Variants in MLXIP observed in about 807,000 individuals in gnomAD.
The protein encoded by MLXIP is MLX-interacting protein.
In MLXIP, 30 loss-of-function variants were observed where a neutral mutation model predicts 87.2. The ratio of observed to expected loss-of-function variants is 0.34; its 90% CI spans 0.26 to 0.47. The LOEUF (loss-of-function observed/expected upper bound fraction) is 0.47, where lower values mean the gene tolerates loss of function less well. Among genes scored for constraint, MLXIP ranks in the 20% least tolerant of loss-of-function variants. MLXIP has a pLI of 1.00. For missense variants in MLXIP, 1,002 were observed against 1,240.1 expected, an observed-to-expected ratio of 0.81 and a Z score of 2.88; for synonymous variants, 530 against 514.0, an observed-to-expected ratio of 1.03 and a Z score of -0.42.
chr12:122,104,287 C>A (rs1231514754), intron 1 of MLXIP, among the ~76,000 whole-genome samples: 1 of 152,150 alleles, frequency 6.6e-6, no homozygotes, highest in Non-Finnish European at 1.5e-5. Flanking sequence ...CAGAAGGTTC[C>A]CTCGCGCCCT....
At chr12:122,092,396 G>T (rs1952259585) in intron 1 of MLXIP, among the ~76,000 whole-genome samples, 1 of 152,170 alleles carries the variant, frequency 6.6e-6, no homozygotes, top group Non-Finnish European at 1.5e-5. Flanking sequence ...ACTGAGCCCA[G>T]TCAAGGTAGT....
chr12:122,079,449 C>T (rs1952060216), intron 1 of MLXIP, among the ~76,000 whole-genome samples, 183 bp downstream of exon 1: 1 of 152,226 alleles, frequency 6.6e-6, no homozygotes, highest in South Asian at 2.1e-4. Context: ...GTCCTGGCCT[C>T]TTCCCCTGCC....
chr12:122,106,509 G>A lies in MLXIP; in HGVS notation c.414-20747G>A, dbSNP rs966054628. ...GGCTTTTGGTAAGTGTTGCTGGGAT[G>A]TTCCACTCCCTGGCCTGCAGAGGGT... On this transcript the variant is annotated intron_variant, in intron 1 of 16. Transcript: ENST00000319080. 6.6e-5 allele frequency among the ~76,000 whole-genome samples: 10 copies of A among 151,122 alleles called. No homozygotes were observed. The South Asian group carries it at 8.3e-4, about 13-fold the overall frequency.
In MLXIP at chr12:122,141,008, A is replaced by G; in HGVS notation, c.2563A>G (p.Ser855Gly). 1 of 1,614,026 alleles carries G rather than the reference A, an allele frequency of 6.2e-7. No homozygotes were observed. Among genetic ancestry groups the G allele is most frequent in the Non-Finnish European group, 8.5e-7 (1 of 1,179,910 alleles). The change falls in exon 16 of 17, where the codon AGC becomes GGC. Residue 855 changes from serine (S) to glycine (G), a missense_variant. Physicochemically the swap from Ser to Gly is moderately conservative, Grantham distance 56. Around this residue, in one of 3 missense-constraint regions of MLXIP, gnomAD observed 746 missense variants for 897.0 expected, o/e 0.83. Transcript: ENST00000319080. The part of the protein sequence containing the change: ...FESFKGMVST[S>G]SLEELHRTAL... ...GTCGTTCAAGGGCATGGTGTCCACC[A>G]GCAGCCTGGAGGAGCTGCACCGGAC...
intron 1 of MLXIP, among the ~76,000 whole-genome samples, chr12:122,083,463 G>A (rs2135890170): frequency 6.6e-6 from 1 of 151,674 alleles, no homozygotes; most frequent in Middle Eastern, 3.4e-3. Context: ...TGCCCAGTCT[G>A]GAGTGCAATG....
chr12:122,127,131 G>A, intron 1 of MLXIP, 125 bp from the exon 2 acceptor site: 2 of 764,686 alleles, frequency 2.6e-6, no homozygotes, highest in Non-Finnish European at 4.6e-6. Flanking sequence ...ATTCCATGAA[G>A]CCGGGTGTAT....
chr12:122,118,836 C>T (rs763605733), intron 1 of MLXIP, among the ~76,000 whole-genome samples: 14 of 131,352 alleles, frequency 1.1e-4, no homozygotes, highest in Admixed American at 3.0e-4. Context: ...CAGAGTGAGA[C>T]TCCCATCTCA....
chr12:122,091,029 T>G (rs1269532029), intron 1 of MLXIP, among the ~76,000 whole-genome samples: 2 of 152,062 alleles, frequency 1.3e-5, no homozygotes, highest in Admixed American at 1.3e-4. Flanking sequence ...GTTCTAAAAT[T>G]AGGGTGGCGA....
intron 1 of MLXIP, among the ~76,000 whole-genome samples, chr12:122,124,905 G>A (rs935323663): frequency 2.0e-5 from 3 of 152,074 alleles, no homozygotes; most frequent in East Asian, 1.9e-4. Flanking sequence ...GGTGGCTCAC[G>A]CCTGTAATCC....
intron 8 of MLXIP, 70 bp downstream of exon 8, chr12:122,132,453 GC>G: frequency 7.9e-7 from 1 of 1,272,782 alleles, no homozygotes; most frequent in Non-Finnish European, 1.1e-6. Context: ...AAGGTTTGCT[GC>G]CAGAGCAAGG....
Position 122,137,324 on chromosome 12 carries a change from G to A in MLXIP, c.2033-145G>A. ...CAGGGAGTGAATAAGAATAATCTAA[G>A]GAAGCATGTGTGTGCAGTTGAAAGA... On this transcript the variant is annotated intron_variant, in intron 11 of 16. Transcript: ENST00000319080. This position sits in a 1 kb window ranked among gnomAD's most constrained non-coding sequence, Gnocchi z 4.1. The A allele has an allele frequency of 1.3e-6, 1 of 758,356 alleles. No individual in the cohort carries two copies. Among genetic ancestry groups the A allele is most frequent in the Admixed American group, 3.4e-5 (1 of 29,088 alleles). 47.0% of individuals were successfully genotyped at this position (758,356 alleles called of 1,614,324 possible).
At chr12:122,093,166 AGT>A (rs1952274965) in intron 1 of MLXIP, among the ~76,000 whole-genome samples, 1 of 116,500 alleles carries the variant, frequency 8.6e-6, no homozygotes, top group African/African-American at 3.5e-5. Flanking sequence ...TAGGGTATGT[AGT>A]GTGTGTAGTG....
rs774213723 is a variant in MLXIP, at chr12:122,135,394, A to T, written c.1854+49A>T. 1.2e-6 allele frequency: 2 copies of T among 1,600,876 alleles called. No homozygotes were observed. Among genetic ancestry groups the T allele is most frequent in the East Asian group, 4.5e-5 (2 of 44,772 alleles). ...TGCAGTGTCCTTCTCACCCCGGAGC[A>T]CTCTGATCTTGGGCGGCCCTCACCT... On this transcript the variant is annotated intron_variant, in intron 10 of 16. Coordinates refer to ENST00000319080, the MANE Select transcript of MLXIP (RefSeq NM_014938.6). This position sits in a 1 kb window ranked among gnomAD's most constrained non-coding sequence, Gnocchi z 5.3.
chr12:122,114,758 T>TGG (rs1555230217), intron 1 of MLXIP, among the ~76,000 whole-genome samples: 3 of 135,262 alleles, frequency 2.2e-5, no homozygotes, highest in African/African-American at 2.7e-5. Flanking sequence ...TTTTTTTTGG[T>TGG]GGGGGGGGAC....
At chr12:122,127,162 A>C in intron 1 of MLXIP, 94 bp from the exon 2 acceptor site, 2 of 977,116 alleles carry the variant, frequency 2.0e-6, no homozygotes, top group Admixed American at 2.0e-5. Flanking sequence ...GGATCAGTCA[A>C]GAGTTTGGTC....
At chr12:122,104,946 G>A (rs1952497450) in intron 1 of MLXIP, among the ~76,000 whole-genome samples, 1 of 152,114 alleles carries the variant, frequency 6.6e-6, no homozygotes, top group Non-Finnish European at 1.5e-5. Flanking sequence ...GAAGGGACTG[G>A]CCCAGTTGTC....
At position 122,145,000 on chromosome 12, in the gene MLXIP, CA is replaced by C. The variant is rs1953275122; in HGVS notation, c.*3189del. On this transcript the variant is annotated 3_prime_UTR_variant, in exon 17 of 17. Transcript: ENST00000319080. Reference sequence around the variant, plus strand: ...AATTGCCCTGTGCTGTCAGCCCCTGCACTGCACTGCTGCCTTCCATGGTGGG... The same window carrying C: ...AATTGCCCTGTGCTGTCAGCCCCTGCCTGCACTGCTGCCTTCCATGGTGGG... 1 of 152,254 alleles carries C rather than the reference CA, an allele frequency of 6.6e-6. No individual in the cohort carries two copies. Among genetic ancestry groups the C allele is most frequent in the African/African-American group, 2.4e-5 (1 of 41,454 alleles). 9.4% of individuals were successfully genotyped at this position (152,254 alleles called of 1,614,324 possible).
intron 1 of MLXIP, among the ~76,000 whole-genome samples, chr12:122,096,943 G>C (rs527714166): frequency 1.3e-5 from 2 of 152,240 alleles, no homozygotes; most frequent in African/African-American, 2.4e-5. Flanking sequence ...CAAAACTGGG[G>C]AATGACTTGG....
At chr12:122,105,627 G>A (rs989834224) in intron 1 of MLXIP, among the ~76,000 whole-genome samples, 10 of 151,944 alleles carry the variant, frequency 6.6e-5, no homozygotes, top group South Asian at 2.1e-4. Context: ...GTGAGCCACC[G>A]CGCTCGGCTG....
Sources: allele counts gnomAD v4.1 joint callset (sites outside exome capture counted in the v4.1 genomes callset), GRCh38; gene constraint gnomAD v4.1.1; regional missense constraint gnomAD v4.1.1; non-coding constraint Gnocchi (gnomAD v3.1); transcripts MANE v1.5; gene names NCBI Gene and HGNC (gene_info 2026-07-23, HGNC 2026-07-21).